The following PLOD1 variants were observed in gnomAD, a reference collection of about 807,000 sequenced individuals.
The protein encoded by PLOD1 is lysine hydroxylase.
In PLOD1, 70 loss-of-function variants were observed where a neutral mutation model predicts 94.7. That is an observed-to-expected ratio of 0.74 (90% confidence interval 0.61 to 0.90). The LOEUF (loss-of-function observed/expected upper bound fraction) is 0.90. Ranked by LOEUF, PLOD1 falls within the 40% of genes least tolerant of loss-of-function variation. The probability of loss-of-function intolerance (pLI) is 0.00; values close to 1 mark genes in which losing one functional copy is unlikely to be tolerated. For missense variants in PLOD1, 905 were observed against 972.7 expected, an observed-to-expected ratio of 0.93 and a Z score of 0.93; for synonymous variants, 417 against 400.2, an observed-to-expected ratio of 1.04 and a Z score of -0.50.
intron 5 of PLOD1, among the ~76,000 whole-genome samples, chr1:11,953,114 G>A (rs1181454152): frequency 2.6e-5 from 4 of 152,060 alleles, no homozygotes; most frequent in Non-Finnish European, 5.9e-5. Context: ...AGAGTACAGT[G>A]GTGCGATCTC....
Position 11,952,682 on chromosome 1 carries a change from AG to A in PLOD1, c.527del (p.Ser176ThrfsTer51), listed in dbSNP as rs1557488546. ...GGTGGCCGAGTGGGAGGGCCAGGAC[AG>A]CGACAGCGATCAGCTGTTTTACACC... is the stretch of plus-strand genomic sequence containing the variant. ...KLVAEWEGQD[S>X]DSDQLFYTKI... On this transcript the variant is annotated frameshift_variant, in exon 5 of 19. Transcript: ENST00000196061. LOFTEE classifies it high-confidence loss of function. 2 of 1,614,104 alleles carry A rather than the reference AG, an allele frequency of 1.2e-6. No homozygotes were observed. The highest frequency in any genetic ancestry group is 1.7e-6 in the Non-Finnish European group (2 of 1,179,968).
Position 11,952,706 on chromosome 1 carries a change from A to C in PLOD1, c.550A>C (p.Thr184Pro), listed in dbSNP as rs754048128. Reference protein sequence around the residue: ...QDSDSDQLFYTKIFLDPEKRE... With the variant: ...QDSDSDQLFYPKIFLDPEKRE... ...CAGCGACAGCGATCAGCTGTTTTACACCAAGATCTTCTTGGACCCGGAGAA... is the reference window on the plus strand; with the variant it reads ...CAGCGACAGCGATCAGCTGTTTTACCCCAAGATCTTCTTGGACCCGGAGAA... The change falls in exon 5 of 19, where the codon ACC becomes CCC. Residue 184 changes from threonine (T) to proline (P), a missense_variant. Thr to Pro is a conservative substitution (Grantham distance 38). Coordinates refer to ENST00000196061, the MANE Select transcript of PLOD1 (RefSeq NM_000302.4). The C allele has an allele frequency of 6.2e-7, 1 of 1,613,824 alleles. No homozygotes were observed. Among genetic ancestry groups the C allele is most frequent in the South Asian group, 1.1e-5 (1 of 91,084 alleles).
At position 11,957,315 on chromosome 1, in the gene PLOD1, T is replaced by C. The variant is rs1334110855; in HGVS notation, c.741+301T>C. 3.4e-6 allele frequency: 2 copies of C among 584,222 alleles called. No homozygotes were observed. The highest frequency in any genetic ancestry group is 3.3e-6 in the Non-Finnish European group (1 of 306,602). The allele number at this position is 584,222 out of a possible 1,614,324, so 36.2% of individuals were successfully genotyped here. ...TGTCACCCCAGGGCAGAGTCACTTA[T>C]TCACTCAGTAAACCTTTATTTCATG... On this transcript the variant is annotated intron_variant, in intron 7 of 18. Coordinates refer to ENST00000196061, the MANE Select transcript of PLOD1 (RefSeq NM_000302.4). This position sits in a 1 kb window ranked among gnomAD's most constrained non-coding sequence, Gnocchi z 4.1.
At chr1:11,966,784 C>T (rs1022833491) in intron 15 of PLOD1, among the ~76,000 whole-genome samples, 1 of 152,170 alleles carries the variant, frequency 6.6e-6, no homozygotes, top group African/African-American at 2.4e-5. Context: ...GACCTTGGCG[C>T]TGGTAGCTCT....
intron 3 of PLOD1, 38 bp downstream of exon 3, chr1:11,949,944 C>A (rs200927088): frequency 6.2e-7 from 1 of 1,605,262 alleles, no homozygotes; most frequent in Non-Finnish European, 8.5e-7. Flanking sequence ...GGCCCCTCCG[C>A]GGAAGATAGA....
chr1:11,964,282 T>C lies in PLOD1; in HGVS notation c.1310T>C (p.Ile437Thr). The C allele has an allele frequency of 4.4e-6, 7 of 1,598,080 alleles. No individual in the cohort carries two copies. Among genetic ancestry groups the C allele is most frequent in the Non-Finnish European group, 6.0e-6 (7 of 1,170,670 alleles). Residue 437 changes from isoleucine (I) to threonine (T), a missense_variant, in exon 12 of 19, where the codon ATT becomes ACT. By Grantham distance (89) the Ile-to-Thr change is moderately conservative. Coordinates refer to ENST00000196061, the MANE Select transcript of PLOD1 (RefSeq NM_000302.4). Reference sequence around the variant, plus strand: ...GCCCGTTCCGAGGACTACGTGGACATTGTGCAGGGGCGGCGTGTGTGAGTA... The same window carrying C: ...GCCCGTTCCGAGGACTACGTGGACACTGTGCAGGGGCGGCGTGTGTGAGTA... ...YYARSEDYVD[I>T]VQGRRVGVWN... is the part of the protein sequence containing the mutation.
chr1:11,960,740 C>T lies in PLOD1; in HGVS notation c.1070C>T (p.Ala357Val), dbSNP rs763906693. The change falls in exon 10 of 19, where the codon GCG (alanine) becomes GTG (valine). Residue 357 changes from alanine to valine, a missense_variant. By Grantham distance (64) the Ala-to-Val change is moderately conservative. Coordinates refer to ENST00000196061, the MANE Select transcript of PLOD1 (RefSeq NM_000302.4). Reference sequence around the variant, plus strand: ...CTGGTGGGCCCTGAGGTGCGGATGGCGAATGCAGATGCCAGGAACATGGGC... The same window carrying T: ...CTGGTGGGCCCTGAGGTGCGGATGGTGAATGCAGATGCCAGGAACATGGGC... The part of the protein sequence containing the change: ...VKLVGPEVRM[A>V]NADARNMGAD... 2.2e-5 allele frequency: 36 copies of T among 1,613,054 alleles called. No individual in the cohort carries two copies. The South Asian group carries it at 2.7e-4, about 12-fold the overall frequency.
chr1:11,964,327 T>TCTTACCGGGGGGGGGGGGGGGGGGG, intron 12 of PLOD1, 27 bp downstream of exon 12: 1 of 546,372 alleles, frequency 1.8e-6, no homozygotes, highest in Non-Finnish European at 3.2e-6. Flanking sequence ...TGGGGGTGGG[T>TCTTACCGGGGGGGGGGGGGGGGGGG]GGGGGACACC....
chr1:11,934,888 G>T, intron 1 of PLOD1, 33 bp downstream of exon 1: 4 of 1,530,114 alleles, frequency 2.6e-6, no homozygotes, highest in Non-Finnish European at 3.5e-6. Context: ...CGGGAGCGCG[G>T]ATCCGGGCGG....
chr1:11,974,836 T>G lies in PLOD1; in HGVS notation c.*28T>G. The G allele has an allele frequency of 6.2e-7, 1 of 1,613,300 alleles. No homozygotes were observed. The highest frequency in any genetic ancestry group is 8.5e-7 in the Non-Finnish European group (1 of 1,179,284). On this transcript the variant is annotated 3_prime_UTR_variant, in exon 19 of 19. Coordinates refer to ENST00000196061, the MANE Select transcript of PLOD1 (RefSeq NM_000302.4). ...GGCCAGGCCTGACCCTCTTGGACCTTTCTTCTTTGCCGACAACCACTGCCC... is the reference window on the plus strand; with the variant it reads ...GGCCAGGCCTGACCCTCTTGGACCTGTCTTCTTTGCCGACAACCACTGCCC...
At chr1:11,952,779 A>G (rs371111151) in intron 5 of PLOD1, 44 bp downstream of exon 5, 3 of 1,394,114 alleles carry the variant, frequency 2.2e-6, no homozygotes, top group African/African-American at 2.8e-5. Flanking sequence ...CTGGGGATCC[A>G]CCGGCCAGGC....
rs959964492 is a variant in PLOD1, at chr1:11,957,401, A to G, written c.741+387A>G. 7.2e-5 allele frequency among the ~76,000 whole-genome samples: 11 copies of G among 152,326 alleles called. No homozygotes were observed. Among genetic ancestry groups the G allele is most frequent in the African/African-American group, 2.4e-4 (10 of 41,572 alleles). ...ACGGATGTCCTGCATTCATGGTGAC[A>G]GAAGGGACTGGGTGCAGATGCGGCC... On this transcript the variant is annotated intron_variant, in intron 7 of 18. Transcript: ENST00000196061. The surrounding 1 kb of genome is among the most constrained non-coding windows in gnomAD (Gnocchi z 4.1).
intron 1 of PLOD1, among the ~76,000 whole-genome samples, chr1:11,935,654 T>A (rs1450683584): frequency 1.3e-5 from 2 of 149,732 alleles, no homozygotes; most frequent in African/African-American, 4.9e-5. Context: ...AGATGGAGTC[T>A]CGCTCTGTCG....
intron 2 of PLOD1, 52 bp downstream of exon 2, chr1:11,948,119 T>C: frequency 8.2e-7 from 1 of 1,220,708 alleles, no homozygotes; most frequent in Non-Finnish European, 1.2e-6. Context: ...CAGGAGGATC[T>C]AGGAGCTAGT....
chr1:11,954,901 GCCCCCA>G lies in PLOD1; in HGVS notation c.643+10_643+15del, dbSNP rs1645727696. The G allele has an allele frequency of 6.2e-7, 1 of 1,606,752 alleles. No homozygotes were observed. The highest frequency in any genetic ancestry group is 1.3e-5 in the African/African-American group (1 of 74,910). ...ACCTGGATGGAGCCTTGGGTGAGCA[GCCCCCA>G]CGGGGAGGGGTGGATCCTCAGAGGG... On this transcript the variant is annotated intron_variant, in intron 6 of 18. Transcript: ENST00000196061.
At chr1:11,966,360 AG>A in intron 15 of PLOD1, 44 bp downstream of exon 15, 1 of 1,372,872 alleles carries the variant, frequency 7.3e-7, no homozygotes, top group Admixed American at 2.0e-5. Flanking sequence ...TGCCTGCTGC[AG>A]GGGGCAGGGC....
chr1:11,965,166 A>G (rs767595151), intron 13 of PLOD1, among the ~76,000 whole-genome samples: 8 of 146,246 alleles, frequency 5.5e-5, no homozygotes, highest in Non-Finnish European at 1.2e-4. Context: ...TTTTTTTTTT[A>G]AACATGCAGC....
intron 1 of PLOD1, among the ~76,000 whole-genome samples, chr1:11,938,364 T>C (rs1645594094): frequency 6.6e-6 from 1 of 151,960 alleles, no homozygotes; most frequent in Non-Finnish European, 1.5e-5. Flanking sequence ...GGAGGTGGGG[T>C]CATTGTCTGG....
chr1:11,958,721 CCTCTGAGGGTCTCA>C lies in PLOD1; in HGVS notation c.975+76_975+89del. On this transcript the variant is annotated intron_variant, in intron 9 of 18. Transcript: ENST00000196061. This position sits in a 1 kb window ranked among gnomAD's most constrained non-coding sequence, Gnocchi z 4.3. ...CCCAGCTTCACAAGGTAGCCCGAGA[CCTCTGAGGGTCTCA>C]CCGAATCTAGCTTATCTGGGCCAAA... 6.4e-7 allele frequency: 1 copy of C among 1,564,106 alleles called. No homozygotes were observed. Among genetic ancestry groups the C allele is most frequent in the South Asian group, 1.1e-5 (1 of 89,598 alleles).
Sources: gnomAD v4.1 joint callset for allele counts (sites outside exome capture counted in the v4.1 genomes callset) on GRCh38, gnomAD v4.1.1 for gene constraint, Gnocchi (gnomAD v3.1) non-coding constraint, MANE v1.5 for transcripts, NCBI Gene and HGNC (gene_info 2026-07-23, HGNC 2026-07-21) for gene names.